The following LOC400499 variants were observed in gnomAD, a reference collection of about 807,000 sequenced individuals.
At chr16:11,432,345 C>T in the LOC400499 span, among the ~76,000 whole-genome samples, 1 of 152,208 alleles carries the variant, frequency 6.6e-6, no homozygotes, top group East Asian at 1.9e-4. Context: ...TATGCAGCAA[C>T]ATCTAACCAA....
At chr16:11,510,682 G>A in the LOC400499 span, among the ~76,000 whole-genome samples, 1 of 151,620 alleles carries the variant, frequency 6.6e-6, no homozygotes, top group African/African-American at 2.4e-5. Flanking sequence ...AGCCCCGGCA[G>A]TGCTCAGCAC....
chr16:11,510,038 A>G, the LOC400499 span, among the ~76,000 whole-genome samples: 42 of 94,082 alleles, frequency 4.5e-4, 1 homozygote, highest in Non-Finnish European at 8.5e-4. Context: ...AATCTCTCTC[A>G]TGCATTCGTC....
the LOC400499 span, among the ~76,000 whole-genome samples, chr16:11,465,865 A>C: frequency 2.6e-5 from 4 of 151,446 alleles, no homozygotes; most frequent in Non-Finnish European, 4.4e-5. Flanking sequence ...AAGAGAGGGA[A>C]TAGAGGGAGG....
the LOC400499 span, among the ~76,000 whole-genome samples, chr16:11,507,511 C>G: frequency 6.6e-6 from 1 of 152,182 alleles, no homozygotes; most frequent in Non-Finnish European, 1.5e-5. Flanking sequence ...CTAAACTCTT[C>G]AAGCTTCAGT....
At chr16:11,436,307 G>A in the LOC400499 span, among the ~76,000 whole-genome samples, 3 of 151,894 alleles carry the variant, frequency 2.0e-5, no homozygotes, top group Non-Finnish European at 2.9e-5. Context: ...GGGAACCAGA[G>A]GACCCAGAAC....
chr16:11,380,102 C>T, the LOC400499 span, among the ~76,000 whole-genome samples: 1 of 152,162 alleles, frequency 6.6e-6, no homozygotes, highest in African/African-American at 2.4e-5. Context: ...ATGCCACCAC[C>T]ATGCCTACTT....
the LOC400499 span, chr16:11,460,714 C>G: frequency 7.1e-7 from 1 of 1,416,568 alleles, no homozygotes; most frequent in Non-Finnish European, 9.3e-7. Context: ...CAGCCACACC[C>G]CCCATGCTTT....
the LOC400499 span, chr16:11,448,120 A>C: frequency 6.6e-7 from 1 of 1,513,850 alleles, no homozygotes; most frequent in African/African-American, 1.4e-5. Context: ...AGCAGGACCA[A>C]GCTGCAGACC....
the LOC400499 span, among the ~76,000 whole-genome samples, chr16:11,456,239 T>A: frequency 6.6e-6 from 1 of 152,146 alleles, no homozygotes; most frequent in African/African-American, 2.4e-5. Flanking sequence ...GAGATGGGGT[T>A]TCACCATGTT....
At chr16:11,397,359 C>T in the LOC400499 span, among the ~76,000 whole-genome samples, 1 of 152,148 alleles carries the variant, frequency 6.6e-6, no homozygotes, top group Non-Finnish European at 1.5e-5. Context: ...CTGCAACCTC[C>T]GCCTCCCAGG....
the LOC400499 span, among the ~76,000 whole-genome samples, chr16:11,385,671 C>G: frequency 1.3e-5 from 2 of 152,230 alleles, no homozygotes; most frequent in African/African-American, 4.8e-5. Context: ...TACAAAAATA[C>G]TGTGCTAAGT....
the LOC400499 span, chr16:11,516,387 C>T: frequency 2.5e-6 from 1 of 398,420 alleles, no homozygotes; most frequent in Non-Finnish European, 4.4e-6. Flanking sequence ...CCACAGCATC[C>T]CTGCCTTCCT....
the LOC400499 span, among the ~76,000 whole-genome samples, chr16:11,377,435 G>C: frequency 3.3e-5 from 5 of 152,188 alleles, no homozygotes; most frequent in South Asian, 2.1e-4. Context: ...ATCATTGAGT[G>C]TGATGTTAGC....
the LOC400499 span, chr16:11,516,347 T>C: frequency 7.5e-6 from 3 of 398,910 alleles, no homozygotes; most frequent in East Asian, 3.6e-5. Context: ...GACCCTCCAG[T>C]GCCCCAGGCC....
chr16:11,513,709 G>C, the LOC400499 span, among the ~76,000 whole-genome samples: 1 of 152,080 alleles, frequency 6.6e-6, no homozygotes, highest in Non-Finnish European at 1.5e-5. Context: ...GGGATTATAG[G>C]TGTGAGCCAC....
At chr16:11,487,469 A>C in the LOC400499 span, 1 of 397,918 alleles carries the variant, frequency 2.5e-6, no homozygotes, top group Non-Finnish European at 4.4e-6. Context: ...ATACCCTGAG[A>C]CAGGGCCAGA....
the LOC400499 span, among the ~76,000 whole-genome samples, chr16:11,444,918 C>CTAAAAA: frequency 6.6e-6 from 1 of 151,930 alleles, no homozygotes. Context: ...TCTGTCTCTA[C>CTAAAAA]TAAAAATAAA....
the LOC400499 span, among the ~76,000 whole-genome samples, chr16:11,409,757 T>C: frequency 6.6e-6 from 1 of 152,226 alleles, no homozygotes; most frequent in African/African-American, 2.4e-5. Context: ...TCAGAAAATA[T>C]CCTTGTTACA....
the LOC400499 span, chr16:11,450,611 G>A: frequency 1.9e-5 from 29 of 1,535,710 alleles, no homozygotes; most frequent in Admixed American, 7.8e-5. Flanking sequence ...CTGCTCACCC[G>A]GAGGTAGGTG....
Sources: gnomAD v4.1 joint callset for allele counts (sites outside exome capture counted in the v4.1 genomes callset) on GRCh38, gnomAD v4.1.1 for gene constraint, MANE v1.5 for transcripts.